The following SP110 variants were observed in gnomAD, a reference collection of about 807,000 sequenced individuals.
SP110 encodes the protein SP110 nuclear body protein, also known as interferon-induced protein 41, 30kD.
SP110 carries 62 observed loss-of-function variants against 92.7 expected under a neutral mutation model. The observed-to-expected ratio is 0.67, with a 90% CI of 0.55 to 0.83. The LOEUF is 0.83. Among genes scored for constraint, SP110 ranks in the 40% least tolerant of loss-of-function variants. The probability of loss-of-function intolerance (pLI) is 0.00; values close to 1 mark genes in which losing one functional copy is unlikely to be tolerated. For synonymous variants in SP110, 273 were observed against 305.3 expected, an observed-to-expected ratio of 0.89 and a Z score of 1.10; for missense variants, 793 against 863.9, an observed-to-expected ratio of 0.92 and a Z score of 1.03.
chr2:230,177,970 T>C (rs1017775018), intron 13 of SP110, among the ~76,000 whole-genome samples, 187 bp downstream of exon 13: 1 of 151,990 alleles, frequency 6.6e-6, no homozygotes, highest in African/African-American at 2.4e-5. Context: ...CAGGTGGGAG[T>C]GGAGGGTCTG....
upstream of SP110, chr2:230,221,646 G>A (rs1343746048): frequency 6.8e-7 from 1 of 1,469,644 alleles, no homozygotes; most frequent in Non-Finnish European, 9.2e-7. Context: ...CTGTGATGCA[G>A]GGGATGGCGG....
intron 10 of SP110, 88 bp downstream of exon 10, chr2:230,200,797 A>AT: frequency 9.5e-7 from 1 of 1,052,076 alleles, no homozygotes; most frequent in Non-Finnish European, 1.5e-6. Context: ...GAAAAAAAAA[A>AT]GTTAAGAAAT....
At chr2:230,196,504 A>G (rs969684097) in intron 10 of SP110, among the ~76,000 whole-genome samples, 2 of 151,970 alleles carry the variant, frequency 1.3e-5, no homozygotes, top group Non-Finnish European at 2.9e-5. Context: ...AGCAGATTAA[A>G]TAGATGTTTA....
In SP110 at chr2:230,212,931, G is replaced by A. The variant is rs114017623; in HGVS notation, c.413C>T (p.Ala138Val). ...TTGAGGGGGTTGTGGTGGGGGCAGC[G>A]CCAGTGGGGTATGGAGGGAGCTTCC... is the stretch of plus-strand genomic sequence containing the variant. ...AEGSSLHTPL[A>V]LPPPQPPQPS... The change falls in exon 4 of 19, where the codon GCG becomes GTG. Residue 138 changes from alanine (A) to valine (V), a missense_variant. Transcript: ENST00000258381. 36 of 1,614,072 alleles carry A rather than the reference G, an allele frequency of 2.2e-5. No homozygotes were observed. Among genetic ancestry groups the A allele is most frequent in the African/African-American group, 2.0e-4 (15 of 75,006 alleles).
At chr2:230,174,545 CA>C (rs200827684) in intron 14 of SP110, among the ~76,000 whole-genome samples, 10 of 151,318 alleles carry the variant, frequency 6.6e-5, no homozygotes, top group African/African-American at 1.7e-4. Flanking sequence ...GCTTCTGATA[CA>C]AAAAAAAACC....
intron 12 of SP110, among the ~76,000 whole-genome samples, chr2:230,180,783 G>C (rs894776540): frequency 8.5e-5 from 13 of 152,194 alleles, no homozygotes; most frequent in African/African-American, 3.1e-4. Context: ...AGAAGAAACT[G>C]ATGCTGAGGG....
rs2045251359 is a variant in SP110, at chr2:230,216,930, T to C, written c.-1-2A>G. Reference sequence around the variant, plus strand: ...ATGGCTCTTGTCATGGTGAACATCCTATGGAAAGAGGCATGATAAAAAATA... The same window carrying C: ...ATGGCTCTTGTCATGGTGAACATCCCATGGAAAGAGGCATGATAAAAAATA... On this transcript the variant is annotated splice_acceptor_variant, in intron 1 of 18. Transcript: ENST00000258381. LOFTEE classifies it low-confidence loss of function (5UTR_SPLICE). 3 of 1,613,012 alleles carry C rather than the reference T, an allele frequency of 1.9e-6. No homozygotes were observed. The highest frequency in any genetic ancestry group is 2.5e-6 in the Non-Finnish European group (3 of 1,179,708).
At chr2:230,191,938 T>C (rs545393836) in intron 10 of SP110, among the ~76,000 whole-genome samples, 5 of 152,304 alleles carry the variant, frequency 3.3e-5, no homozygotes, top group African/African-American at 1.2e-4. Flanking sequence ...TTATTCACCA[T>C]GATCAAGTCG....
intron 10 of SP110, among the ~76,000 whole-genome samples, chr2:230,193,873 T>A (rs993198542): frequency 1.3e-5 from 2 of 152,220 alleles, no homozygotes; most frequent in African/African-American, 4.8e-5. Context: ...AAGCACAGTA[T>A]TTGTTGGGAG....
At chr2:230,213,930 G>T (rs1427293) in intron 3 of SP110, 139,530 of 152,334 alleles carry the variant, frequency 0.92, 64,048 homozygotes, top group East Asian at 1. Context: ...CACTGTCCAT[G>T]TAGCTCAAGA....
intron 18 of SP110, among the ~76,000 whole-genome samples, chr2:230,169,479 A>G (rs62191337): frequency 0.093 from 14,078 of 151,402 alleles, 768 homozygotes; most frequent in African/African-American, 0.15. Context: ...AAAGTTTTAA[A>G]ACATTTTTTT....
intron 18 of SP110, among the ~76,000 whole-genome samples, chr2:230,170,304 C>T (rs2078400645): frequency 6.6e-6 from 1 of 152,030 alleles, no homozygotes; most frequent in South Asian, 2.1e-4. Context: ...TAGGCATAAA[C>T]TGCCTTTCCT....
chr2:230,215,132 G>C lies in SP110; in HGVS notation c.148-14C>G. ...TTCCAGAGATTCCTATAAAAATGGAGTGAAGGTTTTTATAAATGACTATAA... is the reference window on the plus strand; with the variant it reads ...TTCCAGAGATTCCTATAAAAATGGACTGAAGGTTTTTATAAATGACTATAA... On this transcript the variant is annotated splice_polypyrimidine_tract_variant and intron_variant, in intron 2 of 18. Transcript: ENST00000258381. 2 of 1,607,576 alleles carry C rather than the reference G, an allele frequency of 1.2e-6. No individual in the cohort carries two copies. Among genetic ancestry groups the C allele is most frequent in the Non-Finnish European group, 1.7e-6 (2 of 1,174,174 alleles).
intron 10 of SP110, among the ~76,000 whole-genome samples, chr2:230,193,432 G>A (rs973833664): frequency 1.3e-5 from 2 of 152,150 alleles, no homozygotes; most frequent in East Asian, 1.9e-4. Context: ...TCTTCATTGT[G>A]TTATTGTTTT....
At chr2:230,199,157 T>A (rs201487627) in intron 10 of SP110, among the ~76,000 whole-genome samples, 22,147 of 146,340 alleles carry the variant, frequency 0.15, 2,049 homozygotes, top group South Asian at 0.26. Context: ...TATTTTTTTT[T>A]TTTTTTAGTG....
At chr2:230,182,914 C>A (rs1458028580) in intron 12 of SP110, among the ~76,000 whole-genome samples, 2 of 152,216 alleles carry the variant, frequency 1.3e-5, no homozygotes, top group African/African-American at 4.8e-5. Flanking sequence ...AGTTGGTTTA[C>A]AAGCTCCTTA....
In SP110 at chr2:230,212,802, A is replaced by C. The variant is rs77642505; in HGVS notation, c.542T>G (p.Leu181Arg). 941 of 1,614,184 alleles carry C rather than the reference A, an allele frequency of 5.8e-4. 9 individuals carry two copies. The East Asian group carries it at 0.018, about 31-fold the overall frequency. Residue 181 changes from leucine to arginine, a missense_variant, in exon 4 of 19, where the codon CTG becomes CGG. Transcript: ENST00000258381. ...TTCCTGGATGAGTGCAGGGAGAGGC[A>C]GGACAGGGTCAGATGGGCTGGGCGA... ...SESPSPSDPV[L>R]PLPALIQEGR...
intron 2 of SP110, among the ~76,000 whole-genome samples, chr2:230,215,888 G>C (rs919053825): frequency 6.6e-6 from 1 of 152,170 alleles, no homozygotes; most frequent in African/African-American, 2.4e-5. Context: ...TAACTAAGGG[G>C]TCTTCATGAG....
intron 8 of SP110, among the ~76,000 whole-genome samples, chr2:230,206,855 A>T (rs1344309513): frequency 6.6e-6 from 1 of 151,912 alleles, no homozygotes; most frequent in African/African-American, 2.4e-5. Context: ...AATTACTCTG[A>T]TCTAGAGGGA....
Sources: allele counts gnomAD v4.1 joint callset (sites outside exome capture counted in the v4.1 genomes callset), GRCh38; gene constraint gnomAD v4.1.1; transcripts MANE v1.5; gene names NCBI Gene and HGNC (gene_info 2026-07-23, HGNC 2026-07-21).